Variants in ARHGAP31 observed in about 807,000 individuals in gnomAD.
ARHGAP31 encodes the protein Rho GTPase activating protein 31.
A neutral mutation model predicts 113.9 loss-of-function variants in ARHGAP31; 34 were observed. That is an observed-to-expected ratio of 0.30 (90% confidence interval 0.23 to 0.40). The LOEUF is 0.40. ARHGAP31 is among the 10% of genes least tolerant of loss of function. ARHGAP31 has a pLI of 1.00. For synonymous variants in ARHGAP31, 650 were observed against 684.8 expected, an observed-to-expected ratio of 0.95 and a Z score of 0.79; for missense variants, 1,548 against 1,767.1, an observed-to-expected ratio of 0.88 and a Z score of 2.22.
chr3:119,407,910 TC>T (rs1240259940), intron 10 of ARHGAP31, among the ~76,000 whole-genome samples: 2 of 152,144 alleles, frequency 1.3e-5, no homozygotes, highest in African/African-American at 2.4e-5. Context: ...ATCAAAATTC[TC>T]CAGAATAAAA....
intron 3 of ARHGAP31, among the ~76,000 whole-genome samples, chr3:119,369,715 A>G (rs1309093871): frequency 6.6e-6 from 1 of 152,236 alleles, no homozygotes; most frequent in African/African-American, 2.4e-5. Context: ...CTGTATATTA[A>G]GAAAGGAATA....
At chr3:119,412,535 C>A (rs553154643) in intron 11 of ARHGAP31, among the ~76,000 whole-genome samples, 1 of 152,158 alleles carries the variant, frequency 6.6e-6, no homozygotes, top group East Asian at 1.9e-4. Context: ...GGAAGCTGGA[C>A]TTGAGGGGAG....
chr3:119,357,304 A>G (rs886074758), intron 1 of ARHGAP31, among the ~76,000 whole-genome samples: 1 of 152,176 alleles, frequency 6.6e-6, no homozygotes, highest in Non-Finnish European at 1.5e-5. Flanking sequence ...GAGAAGAGGC[A>G]ATGGGCTCAG....
At chr3:119,411,153 G>A (rs1282497201) in intron 11 of ARHGAP31, among the ~76,000 whole-genome samples, 1 of 152,180 alleles carries the variant, frequency 6.6e-6, no homozygotes, top group Non-Finnish European at 1.5e-5. Flanking sequence ...TGAGACTCAG[G>A]GGGATGCAGG....
chr3:119,365,552 A>C, intron 2 of ARHGAP31, 134 bp downstream of exon 2: 1 of 772,054 alleles, frequency 1.3e-6, no homozygotes, highest in South Asian at 1.5e-5. Context: ...GATCAGATGC[A>C]GTGGTTTTCA....
chr3:119,344,719 T>TC (rs951354202), intron 1 of ARHGAP31, among the ~76,000 whole-genome samples: 3 of 151,602 alleles, frequency 2.0e-5, no homozygotes, highest in African/African-American at 7.3e-5. Context: ...AGCCTCAACC[T>TC]CCCCCCATCT....
intron 6 of ARHGAP31, among the ~76,000 whole-genome samples, chr3:119,385,786 T>A (rs2080444264): frequency 6.6e-6 from 1 of 152,254 alleles, no homozygotes; most frequent in South Asian, 2.1e-4. Context: ...TCGCTGCGTG[T>A]GGACTACTGA....
chr3:119,411,166 C>T (rs773174495), intron 11 of ARHGAP31, among the ~76,000 whole-genome samples: 1 of 152,082 alleles, frequency 6.6e-6, no homozygotes, highest in Non-Finnish European at 1.5e-5. Context: ...GATGCAGGAG[C>T]CAGGACTTCT....
chr3:119,409,642 C>A lies in ARHGAP31; in HGVS notation c.1792C>A (p.His598Asn). 6.2e-7 allele frequency: 1 copy of A among 1,613,292 alleles called. No homozygotes were observed. The highest frequency in any genetic ancestry group is 8.5e-7 in the Non-Finnish European group (1 of 1,179,616). The change falls in exon 11 of 12, where the codon CAT (histidine) becomes AAT (asparagine). Residue 598 changes from histidine (H) to asparagine (N), a missense_variant. Transcript: ENST00000264245. ...KTPESSLSSQ[H>N]LNELEKRPNP... is the part of the protein sequence containing the mutation. ...CCCAGAAAGCTCCTTGAGCTCTCAACATTTAAATGAATTAGAGAAGAGGCC... is the reference window on the plus strand; with the variant it reads ...CCCAGAAAGCTCCTTGAGCTCTCAAAATTTAAATGAATTAGAGAAGAGGCC...
chr3:119,358,697 G>A (rs2080179746), intron 1 of ARHGAP31, among the ~76,000 whole-genome samples: 1 of 152,132 alleles, frequency 6.6e-6, no homozygotes, highest in Non-Finnish European at 1.5e-5. Context: ...CTACAACATG[G>A]ACGGACCTTG....
chr3:119,405,310 G>A (rs1225801402), intron 10 of ARHGAP31, among the ~76,000 whole-genome samples: 2 of 152,120 alleles, frequency 1.3e-5, no homozygotes, highest in Admixed American at 1.3e-4. Flanking sequence ...CAAGATAGAA[G>A]TTTATTTCTA....
intron 8 of ARHGAP31, among the ~76,000 whole-genome samples, chr3:119,394,518 T>A (rs2080531286): frequency 6.6e-6 from 1 of 152,090 alleles, no homozygotes. Flanking sequence ...ACCAAGGAAA[T>A]TTTTCATAAT....
At chr3:119,296,257 A>C (rs2079532905) in intron 1 of ARHGAP31, among the ~76,000 whole-genome samples, 1 of 152,224 alleles carries the variant, frequency 6.6e-6, no homozygotes, top group Non-Finnish European at 1.5e-5. Context: ...TCATTAGGAC[A>C]AATAGCTTAG....
At chr3:119,398,868 C>G (rs1285816095) in intron 8 of ARHGAP31, among the ~76,000 whole-genome samples, 1 of 152,178 alleles carries the variant, frequency 6.6e-6, no homozygotes, top group African/African-American at 2.4e-5. Flanking sequence ...GGATTCTACC[C>G]CTGGATTCAT....
Position 119,415,456 on chromosome 3 carries a change from G to A in ARHGAP31, c.3527G>A (p.Arg1176His), listed in dbSNP as rs566865632. Residue 1176 changes from arginine to histidine, a missense_variant, in exon 12 of 12, where the codon CGT becomes CAT. Transcript: ENST00000264245. Reference sequence around the variant, plus strand: ...GTTGCTCATGCACTGACAGGCCGCCGTAACTCAGCTCCTGTGAGTGTGTCA... The same window carrying A: ...GTTGCTCATGCACTGACAGGCCGCCATAACTCAGCTCCTGTGAGTGTGTCA... ...DIVAHALTGR[R>H]NSAPVSVSAV... 19 of 1,614,020 alleles carry A rather than the reference G, an allele frequency of 1.2e-5. No individual in the cohort carries two copies. Among genetic ancestry groups the A allele is most frequent in the South Asian group, 1.1e-4 (10 of 91,082 alleles).
At chr3:119,297,567 G>A (rs1432796968) in intron 1 of ARHGAP31, among the ~76,000 whole-genome samples, 2 of 152,230 alleles carry the variant, frequency 1.3e-5, no homozygotes, top group African/African-American at 4.8e-5. Flanking sequence ...AAAGATTTAG[G>A]GAGGCAAAGA....
rs540625559 is a variant in ARHGAP31 at position 119,406,612 on chromosome 3, C to T, written c.1646-2884C>T. Among the ~76,000 whole-genome samples, 175 of 152,268 alleles carry T rather than the reference C, an allele frequency of 1.1e-3. 1 individual carries two copies. The highest frequency in any genetic ancestry group is 2.4e-3 in the Non-Finnish European group (161 of 68,018). On this transcript the variant is annotated intron_variant, in intron 10 of 11. Coordinates refer to ENST00000264245, the MANE Select transcript of ARHGAP31 (RefSeq NM_020754.4). Reference sequence around the variant, plus strand: ...TTCCCCCAAACTCCAGCGAATCTGTCGGGGACAGTTTCTGTGCACATGAAA... The same window carrying T: ...TTCCCCCAAACTCCAGCGAATCTGTTGGGGACAGTTTCTGTGCACATGAAA...
intron 1 of ARHGAP31, among the ~76,000 whole-genome samples, chr3:119,336,549 C>A (rs1474314427): frequency 6.6e-6 from 1 of 152,166 alleles, no homozygotes; most frequent in Non-Finnish European, 1.5e-5. Flanking sequence ...ACTGATAATT[C>A]TAATATTGAC....
intron 6 of ARHGAP31, among the ~76,000 whole-genome samples, chr3:119,386,522 T>G (rs145441778): frequency 0.011 from 1,731 of 152,298 alleles, 33 homozygotes; most frequent in African/African-American, 0.038. Context: ...AGACCTCACC[T>G]CTTAATTCTA....
Sources: gnomAD v4.1 joint callset for allele counts (sites outside exome capture counted in the v4.1 genomes callset) on GRCh38, gnomAD v4.1.1 for gene constraint, MANE v1.5 for transcripts, NCBI Gene and HGNC (gene_info 2026-07-23, HGNC 2026-07-21) for gene names.